Variants in GRIA4 observed in about 807,000 individuals in gnomAD.
The protein encoded by GRIA4 is glutamate ionotropic receptor AMPA type subunit 4.
GRIA4 carries 34 observed loss-of-function variants against 104.0 expected under a neutral mutation model. The ratio of observed to expected loss-of-function variants is 0.33; its 90% CI spans 0.25 to 0.44. The LOEUF is 0.44. GRIA4 is among the 20% of genes least tolerant of loss of function. GRIA4 has a pLI of 1.00. For synonymous variants in GRIA4, 386 were observed against 381.9 expected (o/e 1.01, Z -0.13); for missense variants, 750 against 1,096.5 (o/e 0.68, Z 4.46).
intron 6 of GRIA4, among the ~76,000 whole-genome samples, chr11:105,893,220 C>G (rs1376873710): frequency 6.6e-6 from 1 of 152,106 alleles, no homozygotes; most frequent in East Asian, 1.9e-4. Context: ...CACTTAACCA[C>G]TGATTTCTTC....
intron 3 of GRIA4, among the ~76,000 whole-genome samples, chr11:105,691,060 A>AG (rs907149099): frequency 6.6e-6 from 1 of 152,176 alleles, no homozygotes. Context: ...CTTTTGAGAC[A>AG]GGGGGTGTGT....
chr11:105,928,426 A>G (rs1286073894), intron 13 of GRIA4, among the ~76,000 whole-genome samples: 1 of 151,966 alleles, frequency 6.6e-6, no homozygotes, highest in Non-Finnish European at 1.5e-5. Context: ...TGATTAAACA[A>G]ACTTTTTTTA....
chr11:105,955,451 T>A (rs966232555), intron 14 of GRIA4, among the ~76,000 whole-genome samples: 7 of 152,176 alleles, frequency 4.6e-5, no homozygotes, highest in Admixed American at 4.6e-4. Context: ...AAGGACATAA[T>A]CTCATTCCTT....
intron 3 of GRIA4, among the ~76,000 whole-genome samples, chr11:105,752,649 C>G (rs1035062539): frequency 6.6e-6 from 1 of 152,060 alleles, no homozygotes; most frequent in African/African-American, 2.4e-5. Flanking sequence ...CTTGTCACAC[C>G]TAAAGTTCTC....
chr11:105,634,662 CA>C (rs1217465463), intron 3 of GRIA4, among the ~76,000 whole-genome samples: 1 of 152,120 alleles, frequency 6.6e-6, no homozygotes, highest in Non-Finnish European at 1.5e-5. Flanking sequence ...GACTGTAACC[CA>C]AGTCTCTGTT....
At chr11:105,620,872 A>G (rs770538155) in intron 3 of GRIA4, among the ~76,000 whole-genome samples, 1 of 151,730 alleles carries the variant, frequency 6.6e-6, no homozygotes, top group African/African-American at 2.4e-5. Flanking sequence ...TCATTTAAAT[A>G]TTTACTGAGC....
At chr11:105,655,040 C>T (rs553035596) in intron 3 of GRIA4, among the ~76,000 whole-genome samples, 1 of 152,018 alleles carries the variant, frequency 6.6e-6, no homozygotes, top group Non-Finnish European at 1.5e-5. Context: ...AGAAGGAAAA[C>T]CTTGTAGAGA....
chr11:105,912,567 A>C (rs1947288134), intron 10 of GRIA4: 4 of 331,352 alleles, frequency 1.2e-5, no homozygotes, highest in African/African-American at 2.3e-5. Context: ...TATAAAGGAT[A>C]TTCTGTAAAG....
chr11:105,918,412 C>T (rs1403603708), intron 10 of GRIA4, among the ~76,000 whole-genome samples: 1 of 152,018 alleles, frequency 6.6e-6, no homozygotes, highest in Non-Finnish European at 1.5e-5. Flanking sequence ...ATAATTTATG[C>T]TTCTTTAGAT....
At chr11:105,874,892 G>C (rs1254471233) in intron 5 of GRIA4, among the ~76,000 whole-genome samples, 2 of 152,098 alleles carry the variant, frequency 1.3e-5, no homozygotes, top group Non-Finnish European at 2.9e-5. Context: ...ATTCCTATCT[G>C]AATACACTTC....
At chr11:105,673,683 C>T (rs1952445519) in intron 3 of GRIA4, among the ~76,000 whole-genome samples, 1 of 151,832 alleles carries the variant, frequency 6.6e-6, no homozygotes, top group South Asian at 2.1e-4. Flanking sequence ...TCATTTTTTC[C>T]CACATTCATC....
At chr11:105,725,521 G>A (rs1035822057) in intron 3 of GRIA4, among the ~76,000 whole-genome samples, 1 of 152,098 alleles carries the variant, frequency 6.6e-6, no homozygotes, top group African/African-American at 2.4e-5. Flanking sequence ...CTCATCATGT[G>A]TCGAAACCAC....
intron 3 of GRIA4, among the ~76,000 whole-genome samples, chr11:105,647,583 T>C (rs1951564237): frequency 1.3e-5 from 2 of 152,126 alleles, no homozygotes; most frequent in Admixed American, 1.3e-4. Context: ...AAAAATGTGG[T>C]GCACATACAC....
At chr11:105,966,428 C>G (rs761965093) in intron 14 of GRIA4, among the ~76,000 whole-genome samples, 2 of 152,010 alleles carry the variant, frequency 1.3e-5, no homozygotes, top group Non-Finnish European at 2.9e-5. Flanking sequence ...TTTTTTTCAC[C>G]ATTACTTTAC....
At chr11:105,797,475 T>C (rs1455419731) in intron 4 of GRIA4, among the ~76,000 whole-genome samples, 1 of 152,160 alleles carries the variant, frequency 6.6e-6, no homozygotes, top group South Asian at 2.1e-4. Flanking sequence ...GGTTACACTC[T>C]AGCTTTCAAA....
rs143878026 is a variant in GRIA4 at position 105,634,756 on chromosome 11, C to T, written c.247+22322C>T. On this transcript the variant is annotated intron_variant, in intron 3 of 16. Coordinates refer to ENST00000282499, the MANE Select transcript of GRIA4 (RefSeq NM_000829.4). ...TTCAAATCTTCAGATTCTAACAGTCCCCAAATTTCCTAAGTTGCCTGTATT... is the reference window on the plus strand; with the variant it reads ...TTCAAATCTTCAGATTCTAACAGTCTCCAAATTTCCTAAGTTGCCTGTATT... Among the ~76,000 whole-genome samples, 546 of 152,182 alleles carry T rather than the reference C, an allele frequency of 3.6e-3. 2 individuals carry two copies. The highest frequency in any genetic ancestry group is 0.013 in the African/African-American group (521 of 41,540).
At chr11:105,709,935 T>A (rs1953851212) in intron 3 of GRIA4, among the ~76,000 whole-genome samples, 1 of 152,136 alleles carries the variant, frequency 6.6e-6, no homozygotes. Flanking sequence ...TGGGCTGATG[T>A]ACAAGTGGTT....
intron 4 of GRIA4, among the ~76,000 whole-genome samples, chr11:105,804,186 A>T (rs1303933169): frequency 6.6e-6 from 1 of 151,962 alleles, no homozygotes; most frequent in African/African-American, 2.4e-5. Flanking sequence ...GATTTACATG[A>T]TATGACATTT....
intron 4 of GRIA4, among the ~76,000 whole-genome samples, chr11:105,857,326 TG>T (rs1945043122): frequency 6.6e-6 from 1 of 152,148 alleles, no homozygotes; most frequent in African/African-American, 2.4e-5. Context: ...CCACCAGTTT[TG>T]GATACTGACA....
Sources: gnomAD v4.1 joint callset for allele counts (sites outside exome capture counted in the v4.1 genomes callset) on GRCh38, gnomAD v4.1.1 for gene constraint, MANE v1.5 for transcripts, NCBI Gene and HGNC (gene_info 2026-07-23, HGNC 2026-07-21) for gene names.